ADGRL4: variants seen among roughly 807,000 people sequenced by gnomAD.
ADGRL4 encodes the protein EGF, latrophilin and seven transmembrane domain containing 1.
Under a neutral mutation model 74.8 loss-of-function variants are expected in ADGRL4, and 90 were observed. That is an observed-to-expected ratio of 1.20 (90% CI 1.02 to 1.43). ADGRL4 has a LOEUF of 1.43. ADGRL4 is among the 40% of genes most tolerant of loss of function. The pLI, the probability that ADGRL4 is intolerant of heterozygous loss-of-function variation, is 0.00. For missense variants in ADGRL4, 881 were observed against 814.3 expected (o/e 1.08, Z -1.00); for synonymous variants, 311 against 279.2 (o/e 1.11, Z -1.14).
chr1:78,975,161 T>G (rs2100720947), intron 2 of ADGRL4, among the ~76,000 whole-genome samples: 1 of 152,250 alleles, frequency 6.6e-6, no homozygotes, highest in South Asian at 2.1e-4. Context: ...TGGCAGTTTC[T>G]TTAGTAATTA....
intron 2 of ADGRL4, among the ~76,000 whole-genome samples, chr1:78,963,148 C>T (rs1570257457): frequency 6.6e-6 from 1 of 152,184 alleles, no homozygotes; most frequent in East Asian, 1.9e-4. Flanking sequence ...ATGAGGTGAC[C>T]ACAGGAGTAA....
At chr1:78,912,652 A>G (rs1648787899) in intron 12 of ADGRL4, among the ~76,000 whole-genome samples, 1 of 151,884 alleles carries the variant, frequency 6.6e-6, no homozygotes, top group South Asian at 2.1e-4. Flanking sequence ...TGACTGCATT[A>G]ATGTTAAAAT....
intron 7 of ADGRL4, among the ~76,000 whole-genome samples, chr1:78,934,839 C>T (rs763289768): frequency 3.9e-5 from 6 of 152,102 alleles, no homozygotes; most frequent in Non-Finnish European, 8.8e-5. Context: ...AAATGCAAAT[C>T]AAAAGCACAA....
intron 2 of ADGRL4, among the ~76,000 whole-genome samples, chr1:78,993,673 A>G (rs1369400295): frequency 2.7e-5 from 4 of 150,728 alleles, no homozygotes; most frequent in African/African-American, 9.8e-5. Context: ...GGCTCATGCC[A>G]TTCTTCTGTC....
At chr1:78,945,175 A>T (rs1034798441) in intron 3 of ADGRL4, among the ~76,000 whole-genome samples, 122 of 109,002 alleles carry the variant, frequency 1.1e-3, no homozygotes, top group African/African-American at 3.4e-3. Flanking sequence ...AAAAAAAAAA[A>T]AAATATATAT....
chr1:78,968,330 A>T (rs527582363), intron 2 of ADGRL4, among the ~76,000 whole-genome samples: 270 of 152,250 alleles, frequency 1.8e-3, no homozygotes, highest in African/African-American at 6.2e-3. Context: ...CATAAGCTGC[A>T]GTAATAGATC....
intron 7 of ADGRL4, among the ~76,000 whole-genome samples, chr1:78,933,911 C>T (rs1230763846): frequency 1.3e-5 from 2 of 152,062 alleles, no homozygotes; most frequent in Non-Finnish European, 2.9e-5. Flanking sequence ...GTACAAATCA[C>T]TGCTCAAGGA....
chr1:78,934,199 A>G lies in ADGRL4; in HGVS notation c.877+2096T>C, dbSNP rs1278461370. ...ATACTACAAGGCTACAGTAACCAAA[A>G]CAGCATGGTACTAGTACCAAAAAGA... On this transcript the variant is annotated intron_variant, in intron 7 of 14. Transcript: ENST00000370742. 5.9e-5 allele frequency among the ~76,000 whole-genome samples: 9 copies of G among 152,308 alleles called. No individual in the cohort carries two copies. The East Asian group carries it at 1.7e-3, about 29-fold the overall frequency.
At chr1:78,965,679 A>G (rs1650041574) in intron 2 of ADGRL4, among the ~76,000 whole-genome samples, 1 of 152,204 alleles carries the variant, frequency 6.6e-6, no homozygotes, top group Non-Finnish European at 1.5e-5. Context: ...AATTGCTAAC[A>G]TTGATTCAGC....
chr1:79,001,422 A>AAAGAAAG (rs1650841936), intron 2 of ADGRL4, among the ~76,000 whole-genome samples: 1 of 151,772 alleles, frequency 6.6e-6, no homozygotes, highest in African/African-American at 2.4e-5. Flanking sequence ...CTTAAGACAA[A>AAAGAAAG]AAAGAAAGAA....
chr1:78,897,343 C>G (rs1320038532), intron 12 of ADGRL4, among the ~76,000 whole-genome samples: 1 of 152,102 alleles, frequency 6.6e-6, no homozygotes, highest in Non-Finnish European at 1.5e-5. Context: ...ACTTCTGATA[C>G]CTGATTGTTC....
intron 10 of ADGRL4, among the ~76,000 whole-genome samples, chr1:78,919,196 T>G (rs747882770): frequency 6.6e-5 from 10 of 151,974 alleles, no homozygotes; most frequent in Non-Finnish European, 1.2e-4. Context: ...TTGAAAGATT[T>G]CTAAGAATGG....
intron 2 of ADGRL4, among the ~76,000 whole-genome samples, chr1:78,995,917 A>G (rs559581234): frequency 6.6e-6 from 1 of 152,354 alleles, no homozygotes; most frequent in African/African-American, 2.4e-5. Context: ...TCACTGGAGC[A>G]TAGGATACCA....
At chr1:78,910,105 G>T (rs1648727988) in intron 12 of ADGRL4, among the ~76,000 whole-genome samples, 1 of 151,690 alleles carries the variant, frequency 6.6e-6, no homozygotes, top group South Asian at 2.1e-4. Flanking sequence ...ATGTATTTAT[G>T]GGGAGAATGA....
At chr1:78,929,759 C>T (rs1243885625) in intron 7 of ADGRL4, among the ~76,000 whole-genome samples, 3 of 151,406 alleles carry the variant, frequency 2.0e-5, no homozygotes, top group African/African-American at 7.4e-5. Context: ...ATATTACTGT[C>T]CCTTTCAAAT....
intron 2 of ADGRL4, among the ~76,000 whole-genome samples, chr1:78,960,540 A>C (rs1158312599): frequency 2.0e-5 from 3 of 152,116 alleles, no homozygotes; most frequent in Non-Finnish European, 1.5e-5. Flanking sequence ...TAAGGCATGG[A>C]GTTACGAGGA....
chr1:78,972,255 A>G (rs937963680), intron 2 of ADGRL4, among the ~76,000 whole-genome samples: 1 of 152,190 alleles, frequency 6.6e-6, no homozygotes, highest in African/African-American at 2.4e-5. Flanking sequence ...TATCACCATG[A>G]TGAAAAAGCC....
chr1:78,915,026 C>T (rs1166994476), intron 12 of ADGRL4, among the ~76,000 whole-genome samples: 1 of 151,822 alleles, frequency 6.6e-6, no homozygotes, highest in African/African-American at 2.4e-5. Flanking sequence ...GATGAATATC[C>T]ATATCTCCAT....
chr1:78,963,630 T>G (rs991073164), intron 2 of ADGRL4, among the ~76,000 whole-genome samples: 1 of 152,190 alleles, frequency 6.6e-6, no homozygotes, highest in Non-Finnish European at 1.5e-5. Context: ...GCTTTTATCT[T>G]AAAGCATGCT....
Sources: gnomAD v4.1 joint callset for allele counts (sites outside exome capture counted in the v4.1 genomes callset) on GRCh38, gnomAD v4.1.1 for gene constraint, MANE v1.5 for transcripts, NCBI Gene and HGNC (gene_info 2026-07-23, HGNC 2026-07-21) for gene names.